RIMBP2: variants seen among roughly 807,000 people sequenced by gnomAD.
RIMBP2 encodes RIMS-binding protein 2.
A neutral mutation model predicts 118.6 loss-of-function variants in RIMBP2; 48 were observed. The observed-to-expected ratio is 0.40, with a 90% confidence interval of 0.32 to 0.51. The LOEUF (loss-of-function observed/expected upper bound fraction) is 0.51, where lower values mean the gene tolerates loss of function less well. Ranked by LOEUF, RIMBP2 falls within the 20% of genes least tolerant of loss-of-function variation. The probability of loss-of-function intolerance (pLI) is 0.41; values close to 1 mark genes in which losing one functional copy is unlikely to be tolerated. For missense variants in RIMBP2, 1,551 were observed against 1,768.3 expected, an observed-to-expected ratio of 0.88 and a Z score of 2.20; for synonymous variants, 762 against 742.9, an observed-to-expected ratio of 1.03 and a Z score of -0.42.
chr12:130,520,498 C>T (rs2051969676), intron 2 of RIMBP2, among the ~76,000 whole-genome samples: 1 of 150,340 alleles, frequency 6.7e-6, no homozygotes, highest in Non-Finnish European at 1.5e-5. Context: ...CCCGCCTCTA[C>T]TAAAAACACA....
intron 1 of RIMBP2, among the ~76,000 whole-genome samples, chr12:130,639,559 T>A (rs1421437378): frequency 2.1e-5 from 3 of 140,002 alleles, no homozygotes; most frequent in Non-Finnish European, 1.5e-5. Context: ...AAAAAGTACC[T>A]CACCCCTTTA....
chr12:130,712,916 T>G (rs1289047442), intron 1 of RIMBP2, among the ~76,000 whole-genome samples: 1 of 151,960 alleles, frequency 6.6e-6, no homozygotes, highest in African/African-American at 2.4e-5. Flanking sequence ...TCTTCACTGA[T>G]GGAAATGTCC....
intron 4 of RIMBP2, among the ~76,000 whole-genome samples, chr12:130,503,414 C>CA (rs869069039): frequency 7.3e-4 from 65 of 88,780 alleles, no homozygotes; most frequent in Non-Finnish European, 1.5e-3. Flanking sequence ...AAACAAAAAA[C>CA]AAAAAAAACA....
intron 1 of RIMBP2, among the ~76,000 whole-genome samples, chr12:130,692,868 GGGTAGGGT>G (rs2065382751): frequency 6.7e-6 from 1 of 148,242 alleles, no homozygotes; most frequent in African/African-American, 2.6e-5. Context: ...GGGTAGGGTA[GGGTAGGGT>G]AGGGTAGGGT....
chr12:130,571,363 G>A (rs544071150), intron 2 of RIMBP2, among the ~76,000 whole-genome samples: 4 of 151,396 alleles, frequency 2.6e-5, no homozygotes, highest in South Asian at 2.1e-4. Flanking sequence ...CCACGTGTTC[G>A]CTGCCACACA....
intron 1 of RIMBP2, among the ~76,000 whole-genome samples, chr12:130,653,171 C>A (rs967111111): frequency 6.6e-6 from 1 of 152,212 alleles, no homozygotes; most frequent in African/African-American, 2.4e-5. Flanking sequence ...TCTCAAGTCC[C>A]AAGCTCTAAG....
intron 2 of RIMBP2, among the ~76,000 whole-genome samples, chr12:130,522,409 C>T (rs1045603028): frequency 6.6e-6 from 1 of 152,200 alleles, no homozygotes; most frequent in East Asian, 1.9e-4. Flanking sequence ...AGGGCAGCTG[C>T]GACCCTGTCC....
chr12:130,499,192 G>T (rs899990157), intron 4 of RIMBP2, among the ~76,000 whole-genome samples: 2 of 152,174 alleles, frequency 1.3e-5, no homozygotes, highest in East Asian at 3.9e-4. Flanking sequence ...CAGCAAGGGA[G>T]AAATCTGCCC....
chr12:130,639,411 T>C (rs1594123318), intron 1 of RIMBP2, among the ~76,000 whole-genome samples: 1 of 119,854 alleles, frequency 8.3e-6, no homozygotes, highest in East Asian at 2.5e-4. Context: ...ATTGGCCAGG[T>C]GCAGTGGCTC....
chr12:130,513,896 G>A (rs1006162678), intron 3 of RIMBP2, among the ~76,000 whole-genome samples: 2 of 152,250 alleles, frequency 1.3e-5, no homozygotes, highest in African/African-American at 4.8e-5. Flanking sequence ...TGATCCCCAA[G>A]TGTCTCCAGG....
chr12:130,404,203 TAC>T (rs771904762), intron 21 of RIMBP2, among the ~76,000 whole-genome samples: 24 of 152,052 alleles, frequency 1.6e-4, no homozygotes, highest in Admixed American at 3.3e-4. Flanking sequence ...GGGGGACATG[TAC>T]ACACACACAC....
In RIMBP2 at chr12:130,422,467, G is replaced by A. The variant is rs1316473880; in HGVS notation, c.3224C>T (p.Thr1075Ile). The change falls in exon 17 of 23, where the codon ACA becomes ATA. Residue 1075 changes from threonine to isoleucine, a missense_variant. Transcript: ENST00000690449. The surrounding 1 kb of genome is among the most constrained non-coding windows in gnomAD (Gnocchi z 5.2). ...SAGPQRSRPVTVPSIDDYGRD... is the reference protein window; with the variant it reads ...SAGPQRSRPVIVPSIDDYGRD... The stretch of plus-strand genomic sequence containing the variant: ...GGGCCACTAACCGATGGATGGGACT[G>A]TCACGGGCCGGGACCTCTGAGGACC... 6.2e-7 allele frequency: 1 copy of A among 1,610,942 alleles called. No homozygotes were observed. The highest frequency in any genetic ancestry group is 8.5e-7 in the Non-Finnish European group (1 of 1,177,646).
At chr12:130,616,054 C>A (rs772883588) in intron 2 of RIMBP2, among the ~76,000 whole-genome samples, 5 of 152,184 alleles carry the variant, frequency 3.3e-5, no homozygotes, top group Non-Finnish European at 7.4e-5. Flanking sequence ...GATGCACACA[C>A]ACCCTAGCCT....
chr12:130,438,985 C>T (rs1000535481), intron 11 of RIMBP2, among the ~76,000 whole-genome samples: 1 of 151,598 alleles, frequency 6.6e-6, no homozygotes, highest in African/African-American at 2.4e-5. Flanking sequence ...CCCTCATCCT[C>T]TCACCTTTTC....
rs1566307023 is a variant in RIMBP2 at position 130,583,779 on chromosome 12, CGCCATCACCTCATCACCACCA to C, written c.-217+44522_-217+44542del. 3.4e-5 allele frequency among the ~76,000 whole-genome samples: 3 copies of C among 88,328 alleles called. No individual in the cohort carries two copies. In the Admixed American group the frequency reaches 3.8e-4, roughly 11 times the overall value. 57.9% of individuals were successfully genotyped at this position (88,328 alleles called of 152,430 possible). ...ACCCCCATCACCTCATCACCACCAC[CGCCATCACCTCATCACCACCA>C]CCGCCATCACCTCATCACCACCACC... On this transcript the variant is annotated intron_variant, in intron 2 of 22. Transcript: ENST00000690449.
intron 13 of RIMBP2, among the ~76,000 whole-genome samples, chr12:130,436,393 A>C (rs2077519062): frequency 6.6e-6 from 1 of 152,200 alleles, no homozygotes; most frequent in Non-Finnish European, 1.5e-5. Context: ...CTATGGGTGC[A>C]TGTCCATATA....
In RIMBP2 at chr12:130,401,115, T is replaced by TATC. The variant is rs200353541; in HGVS notation, c.3766-1305_3766-1303dup. The stretch of plus-strand genomic sequence containing the variant: ...AACTATATACTTAAAAATGATTTTA[T>TATC]ATCTTTTTTTTTTAAATTGAGACAG... On this transcript the variant is annotated intron_variant, in intron 21 of 22. Transcript: ENST00000690449. Among the ~76,000 whole-genome samples, 916 of 151,862 alleles carry TATC rather than the reference T, an allele frequency of 6.0e-3. 14 individuals are homozygous for TATC. Among genetic ancestry groups the TATC allele is most frequent in the African/African-American group, 0.02 (832 of 41,226 alleles).
intron 6 of RIMBP2, among the ~76,000 whole-genome samples, chr12:130,467,088 C>A (rs963313713): frequency 2.0e-5 from 3 of 152,220 alleles, no homozygotes; most frequent in African/African-American, 2.4e-5. Context: ...TGTCCTTGTT[C>A]ATTCCTGGGT....
chr12:130,443,445 G>C (rs1457613337), intron 10 of RIMBP2, among the ~76,000 whole-genome samples: 1 of 152,184 alleles, frequency 6.6e-6, no homozygotes, highest in African/African-American at 2.4e-5. Flanking sequence ...TTCCAGCACA[G>C]ACCCAGAATG....
Sources: allele counts gnomAD v4.1 joint callset (sites outside exome capture counted in the v4.1 genomes callset), GRCh38; gene constraint gnomAD v4.1.1; non-coding constraint Gnocchi (gnomAD v3.1); transcripts MANE v1.5; gene names NCBI Gene and HGNC (gene_info 2026-07-23, HGNC 2026-07-21).